Variants in LRRC69 observed in about 807,000 individuals in gnomAD.
LRRC69 encodes leucine-rich repeat-containing protein 69.
A neutral mutation model predicts 37.8 loss-of-function variants in LRRC69; 42 were observed. The ratio of observed to expected loss-of-function variants is 1.11; its 90% CI spans 0.87 to 1.44. LRRC69 has a LOEUF of 1.44. LRRC69 is among the 40% of genes most tolerant of loss of function. The probability of loss-of-function intolerance (pLI) is 0.00; values close to 1 mark genes in which losing one functional copy is unlikely to be tolerated. For synonymous variants in LRRC69, 141 were observed against 143.1 expected (o/e 0.99, Z 0.11); for missense variants, 357 against 401.9 (o/e 0.89, Z 0.96).
rs752558728 is a variant in LRRC69, at chr8:91,119,254, AT to A, written c.184-5236del. Among the ~76,000 whole-genome samples the A allele has an allele frequency of 1.2e-4, 18 of 152,174 alleles. No individual in the cohort carries two copies. In the East Asian group the frequency reaches 3.3e-3, roughly 28 times the overall value. On this transcript the variant is annotated intron_variant, in intron 1 of 7. Transcript: ENST00000448384. Reference sequence around the variant, plus strand: ...CAGTGTTTCTGGACCTTTCTGTATAATTTAAGTAATCTACACTGAAGCTCTG... The same window carrying A: ...CAGTGTTTCTGGACCTTTCTGTATAATTAAGTAATCTACACTGAAGCTCTG...
chr8:91,209,187 G>A (rs916996892), intron 7 of LRRC69, among the ~76,000 whole-genome samples: 2 of 152,152 alleles, frequency 1.3e-5, no homozygotes, highest in Non-Finnish European at 2.9e-5. Flanking sequence ...AGCATTCTGC[G>A]AGGCCGAGGC....
intron 7 of LRRC69, among the ~76,000 whole-genome samples, chr8:91,217,390 C>T (rs1162606428): frequency 6.6e-6 from 1 of 152,130 alleles, no homozygotes; most frequent in Non-Finnish European, 1.5e-5. Context: ...ATTATCTCTG[C>T]ATTCCTTTGT....
At chr8:91,183,611 G>A (rs528208852) in intron 5 of LRRC69, among the ~76,000 whole-genome samples, 1 of 149,948 alleles carries the variant, frequency 6.7e-6, no homozygotes, top group Non-Finnish European at 1.5e-5. Context: ...TGATGAATAT[G>A]GGTAAAAAAA....
intron 5 of LRRC69, among the ~76,000 whole-genome samples, chr8:91,159,638 C>T (rs1368977252): frequency 1.3e-5 from 2 of 150,914 alleles, no homozygotes; most frequent in African/African-American, 4.8e-5. Flanking sequence ...ATGTTAATAG[C>T]TAGACAAGAA....
chr8:91,161,419 T>A (rs1402697809), intron 5 of LRRC69, among the ~76,000 whole-genome samples: 1 of 151,292 alleles, frequency 6.6e-6, no homozygotes, highest in African/African-American at 2.4e-5. Flanking sequence ...TATGCAGTCC[T>A]GGGCTTTTTT....
At chr8:91,194,653 C>T (rs1809562368) in intron 6 of LRRC69, among the ~76,000 whole-genome samples, 1 of 152,056 alleles carries the variant, frequency 6.6e-6, no homozygotes, top group African/African-American at 2.4e-5. Flanking sequence ...TTGTAGTATT[C>T]TCTGATGGTA....
intron 4 of LRRC69, 53 bp from the exon 5 acceptor site, chr8:91,135,615 A>G: frequency 8.6e-7 from 1 of 1,168,616 alleles, no homozygotes; most frequent in Non-Finnish European, 1.2e-6. Context: ...GATTTTCCTT[A>G]TGATTTTAAA....
At chr8:91,161,586 T>C (rs34946251) in intron 5 of LRRC69, among the ~76,000 whole-genome samples, 7,932 of 151,364 alleles carry the variant, frequency 0.052, 295 homozygotes, top group Middle Eastern at 0.16. Context: ...TGGCATATAG[T>C]TGTTCATAAT....
intron 6 of LRRC69, among the ~76,000 whole-genome samples, chr8:91,197,151 C>T (rs1405119878): frequency 6.6e-6 from 1 of 152,160 alleles, no homozygotes; most frequent in African/African-American, 2.4e-5. Context: ...AGTTAGGCTA[C>T]TCGGGGGTCA....
intron 5 of LRRC69, among the ~76,000 whole-genome samples, chr8:91,167,850 T>C (rs60382615): frequency 0.021 from 3,178 of 152,082 alleles, 111 homozygotes; most frequent in African/African-American, 0.073. Context: ...TAAGAGACGA[T>C]GTTCCCTTTT....
At chr8:91,158,376 T>A (rs1808875031) in intron 5 of LRRC69, 1 of 1,428,278 alleles carries the variant, frequency 7.0e-7, no homozygotes, top group Non-Finnish European at 9.9e-7. Context: ...GATGACAACA[T>A]CAAAACAAAC....
At chr8:91,108,851 A>G (rs530897106) in intron 1 of LRRC69, among the ~76,000 whole-genome samples, 8 of 152,068 alleles carry the variant, frequency 5.3e-5, no homozygotes, top group East Asian at 1.9e-4. Context: ...CATCCCTGAT[A>G]AAGAAAAAAT....
chr8:91,105,636 T>G (rs1813298599), intron 1 of LRRC69, among the ~76,000 whole-genome samples: 1 of 128,696 alleles, frequency 7.8e-6, no homozygotes, highest in Non-Finnish European at 1.6e-5. Context: ...CACTCCAGCC[T>G]GGGCTGCAGA....
rs552173959 is a variant in LRRC69, at chr8:91,116,770, GCA to G, written c.184-7720_184-7719del. Among the ~76,000 whole-genome samples, 89 of 151,964 alleles carry G rather than the reference GCA, an allele frequency of 5.9e-4. 3 individuals are homozygous for G. In the South Asian group the frequency reaches 0.018, roughly 31 times the overall value. The stretch of plus-strand genomic sequence containing the variant: ...TCCACATTAGACAAAATTCAGCTTG[GCA>G]CAGTGTTTCATATATTTGGCACTTA... On this transcript the variant is annotated intron_variant, in intron 1 of 7. Transcript: ENST00000448384.
intron 6 of LRRC69, among the ~76,000 whole-genome samples, chr8:91,196,743 C>T (rs968950926): frequency 6.0e-5 from 9 of 150,166 alleles, no homozygotes; most frequent in African/African-American, 2.2e-4. Context: ...GTTATACATT[C>T]TTCTAAATTT....
intron 1 of LRRC69, among the ~76,000 whole-genome samples, chr8:91,105,073 A>T (rs1162710932): frequency 6.6e-6 from 1 of 151,896 alleles, no homozygotes; most frequent in Admixed American, 6.6e-5. Flanking sequence ...CCCAGTGCTT[A>T]CTTTTAAAGA....
intron 7 of LRRC69, among the ~76,000 whole-genome samples, chr8:91,213,230 T>C (rs1163669671): frequency 6.6e-6 from 1 of 152,152 alleles, no homozygotes; most frequent in Non-Finnish European, 1.5e-5. Context: ...GATGGGATTT[T>C]CTTTGTCGTT....
chr8:91,184,686 C>G (rs1809376097), intron 5 of LRRC69, among the ~76,000 whole-genome samples: 1 of 152,202 alleles, frequency 6.6e-6, no homozygotes, highest in African/African-American at 2.4e-5. Context: ...CACTTTCCCT[C>G]TCAACCACTA....
intron 5 of LRRC69, among the ~76,000 whole-genome samples, chr8:91,149,998 G>A (rs1808699974): frequency 6.6e-6 from 1 of 151,938 alleles, no homozygotes; most frequent in African/African-American, 2.4e-5. Flanking sequence ...AGACAATGGG[G>A]TTTTCTAGAT....
Sources: allele counts gnomAD v4.1 joint callset (sites outside exome capture counted in the v4.1 genomes callset), GRCh38; gene constraint gnomAD v4.1.1; transcripts MANE v1.5; gene names NCBI Gene and HGNC (gene_info 2026-07-23, HGNC 2026-07-21).